SLC6A13: variants seen among roughly 807,000 people sequenced by gnomAD.
SLC6A13 encodes the protein sodium- and chloride-dependent GABA transporter 2.
Under a neutral mutation model 72.9 loss-of-function variants are expected in SLC6A13, and 69 were observed. That is an observed-to-expected ratio of 0.95 (90% confidence interval 0.78 to 1.16). The LOEUF is 1.16. SLC6A13 is among the 50% of genes most tolerant of loss of function. SLC6A13 has a pLI of 0.00. For missense variants in SLC6A13, 735 were observed against 760.5 expected (o/e 0.97, Z 0.39); for synonymous variants, 303 against 303.0 (o/e 1.00, Z 0.00).
chr12:234,956 G>T (rs924377142), intron 7 of SLC6A13, 134 bp downstream of exon 7: 2 of 940,648 alleles, frequency 2.1e-6, no homozygotes, highest in Non-Finnish European at 3.3e-6. Flanking sequence ...AGAGAAGGAA[G>T]GGTGCACCTC....
chr12:244,099 G>T (rs756574074), intron 2 of SLC6A13, among the ~76,000 whole-genome samples: 1 of 152,182 alleles, frequency 6.6e-6, no homozygotes, highest in African/African-American at 2.4e-5. Context: ...ATAACTTGTG[G>T]CAATAACAAG....
chr12:232,393 C>T (rs1247985060), intron 7 of SLC6A13, among the ~76,000 whole-genome samples: 1 of 152,210 alleles, frequency 6.6e-6, no homozygotes, highest in Non-Finnish European at 1.5e-5. Context: ...GCTTCAAAGC[C>T]TCCCCTCCAC....
In SLC6A13 at chr12:254,379, C is replaced by T. The variant is rs1438196003; in HGVS notation, c.202+5472G>A. On this transcript the variant is annotated intron_variant, in intron 2 of 14. Transcript: ENST00000343164. This position sits in a 1 kb window ranked among gnomAD's most constrained non-coding sequence, Gnocchi z 4.4. Reference sequence around the variant, plus strand: ...ATTTCCAATTCCTTTCTCCCATCTCCCCCATTATCTTAAATCCATTTCAAT... The same window carrying T: ...ATTTCCAATTCCTTTCTCCCATCTCTCCCATTATCTTAAATCCATTTCAAT... Among the ~76,000 whole-genome samples the T allele has an allele frequency of 6.6e-6, 1 of 152,178 alleles. No homozygotes were observed. Among genetic ancestry groups the T allele is most frequent in the Non-Finnish European group, 1.5e-5 (1 of 68,038 alleles).
intron 4 of SLC6A13, among the ~76,000 whole-genome samples, chr12:241,498 G>A (rs1942166155): frequency 6.6e-6 from 1 of 152,068 alleles, no homozygotes; most frequent in South Asian, 2.1e-4. Flanking sequence ...AGCCACCTGT[G>A]GCTGTTTAAG....
At chr12:225,012 C>G (rs955710974) in intron 9 of SLC6A13, among the ~76,000 whole-genome samples, 1 of 152,382 alleles carries the variant, frequency 6.6e-6, no homozygotes, top group African/African-American at 2.4e-5. Context: ...GAGTTGGCCT[C>G]CAGTTACCAC....
chr12:223,807 C>T (rs1332880836), intron 11 of SLC6A13, 185 bp downstream of exon 11: 2 of 631,604 alleles, frequency 3.2e-6, no homozygotes, highest in Non-Finnish European at 5.4e-6. Flanking sequence ...GTGGTCCATG[C>T]CCAAAGGCCA....
At chr12:247,138 G>A (rs1362896775) in intron 2 of SLC6A13, among the ~76,000 whole-genome samples, 4 of 151,382 alleles carry the variant, frequency 2.6e-5, no homozygotes, top group Non-Finnish European at 5.9e-5. Context: ...GTGAAAGAAA[G>A]AAAAGGGTGA....
At chr12:241,323 G>C (rs115115437) in intron 4 of SLC6A13, among the ~76,000 whole-genome samples, 2,296 of 152,118 alleles carry the variant, frequency 0.015, 57 homozygotes, top group African/African-American at 0.052. Context: ...AAATAAAAAA[G>C]ATAAAAAAGA....
rs1323553868 is a variant in SLC6A13, at chr12:237,225, A to G, written c.629T>C (p.Leu210Pro). ...HLGALRWELA[L>P]CLLLAWVICY... ...GATGACCCAGGCCAGCAGGAGGCAC[A>G]GAGCCAGCTCCCAGCGCAGGGCCCC... Residue 210 changes from leucine to proline, a missense_variant, in exon 6 of 15, where the codon CTG becomes CCG. Physicochemically the swap from Leu to Pro is moderately conservative, Grantham distance 98. Transcript: ENST00000343164. The G allele has an allele frequency of 1.2e-6, 2 of 1,614,078 alleles. No individual in the cohort carries two copies. Among genetic ancestry groups the G allele is most frequent in the Non-Finnish European group, 1.7e-6 (2 of 1,179,960 alleles).
chr12:260,788 T>C (rs1177192278), intron 1 of SLC6A13, among the ~76,000 whole-genome samples: 1 of 152,234 alleles, frequency 6.6e-6, no homozygotes, highest in Non-Finnish European at 1.5e-5. Context: ...TTTATAGGCA[T>C]TGAAGGAGTA....
intron 2 of SLC6A13, among the ~76,000 whole-genome samples, chr12:250,845 A>AAAAAC (rs2137310316): frequency 1.3e-5 from 2 of 150,822 alleles, no homozygotes; most frequent in South Asian, 4.2e-4. Context: ...AAAAAAAAAA[A>AAAAAC]AAAAAAACCT....
rs1941873284 is a variant in SLC6A13, at chr12:235,071, C to T, written c.831+19G>A. ...TTGCCCTGGGAGTCACGTGAGGGCT[C>T]CTGTCTGTGGCTTCTTACCTGGGGA... On this transcript the variant is annotated intron_variant, in intron 7 of 14. Transcript: ENST00000343164. 1 of 1,613,994 alleles carries T rather than the reference C, an allele frequency of 6.2e-7. No individual in the cohort carries two copies.
chr12:258,854 C>A (rs1014433002), intron 2 of SLC6A13: 2 of 922,064 alleles, frequency 2.2e-6, no homozygotes, highest in Non-Finnish European at 2.6e-6. Context: ...ATTTGTGCTG[C>A]GAAATTTTTA....
chr12:237,289 G>A lies in SLC6A13; in HGVS notation c.565C>T (p.Arg189Trp), dbSNP rs144675285. 59 of 1,614,082 alleles carry A rather than the reference G, an allele frequency of 3.7e-5. No homozygotes were observed. The highest frequency in any genetic ancestry group is 2.2e-4 in the South Asian group (20 of 91,082). The change falls in exon 6 of 15, where the codon CGG becomes TGG. Residue 189 changes from arginine to tryptophan, a missense_variant and splice_region_variant. Physicochemically the swap from Arg to Trp is moderately radical, Grantham distance 101. Transcript: ENST00000343164. ...CCATCAGAGATCTTCAAGACCCGCCGCCTGGGGAGAGAAGGGTTGAACCTG... is the reference window on the plus strand; with the variant it reads ...CCATCAGAGATCTTCAAGACCCGCCACCTGGGGAGAGAAGGGTTGAACCTG... The part of the protein sequence containing the change: ...ATSPVIEFWE[R>W]RVLKISDGIQ...
chr12:255,911 T>C (rs574294656), intron 2 of SLC6A13, among the ~76,000 whole-genome samples: 1 of 152,152 alleles, frequency 6.6e-6, no homozygotes, highest in South Asian at 2.1e-4. Flanking sequence ...AGCCAGACTC[T>C]TGCTTCGTTT....
chr12:261,880 C>T (rs55848636), intron 1 of SLC6A13, among the ~76,000 whole-genome samples: 3,065 of 151,444 alleles, frequency 0.02, 86 homozygotes, highest in African/African-American at 0.07. Context: ...GAGCCGAGAT[C>T]GCGCCACTGC....
chr12:245,722 C>T (rs1440708350), intron 2 of SLC6A13, among the ~76,000 whole-genome samples: 4 of 151,820 alleles, frequency 2.6e-5, no homozygotes, highest in Admixed American at 6.6e-5. Context: ...TGGTGGATTA[C>T]GCCTGTAATC....
rs1356273077 is a variant in SLC6A13, at chr12:224,012, C to T, written c.1291G>A (p.Gly431Arg). 5 of 1,613,392 alleles carry T rather than the reference C, an allele frequency of 3.1e-6. No individual in the cohort carries two copies. In the African/African-American group the frequency reaches 5.3e-5, roughly 17 times the overall value. The change falls in exon 11 of 15, where the codon GGG becomes AGG. Residue 431 changes from glycine (G) to arginine (R), a missense_variant. By Grantham distance (125) the Gly-to-Arg change is moderately radical. Transcript: ENST00000343164. ...LGVSVVSFLV[G>R]LIMLTEGGMY... Reference sequence around the variant, plus strand: ...CTCACCTCTGTGAGCATGATCAGCCCCACAAGGAAGGAGACGACAGATACT... The same window carrying T: ...CTCACCTCTGTGAGCATGATCAGCCTCACAAGGAAGGAGACGACAGATACT...
In SLC6A13 at chr12:224,499, A is replaced by T; in HGVS notation, c.1075T>A (p.Phe359Ile). 6.2e-7 allele frequency: 1 copy of T among 1,614,044 alleles called. No homozygotes were observed. Among genetic ancestry groups the T allele is most frequent in the Non-Finnish European group, 8.5e-7 (1 of 1,179,982 alleles). Residue 359 changes from phenylalanine (F) to isoleucine (I), a missense_variant, in exon 10 of 15, where the codon TTC (phenylalanine) becomes ATC (isoleucine). By Grantham distance (21) the Phe-to-Ile change is conservative. Transcript: ENST00000343164. ...EVAESGPGLA[F>I]IAYPRAVVML... is the part of the protein sequence containing the mutation. ...ACCACAGCCCGCGGGTAAGCGATGAAAGCCAGGCCAGGGCCTACGACAAGG... is the reference window on the plus strand; with the variant it reads ...ACCACAGCCCGCGGGTAAGCGATGATAGCCAGGCCAGGGCCTACGACAAGG...
Sources: allele counts gnomAD v4.1 joint callset (sites outside exome capture counted in the v4.1 genomes callset), GRCh38; gene constraint gnomAD v4.1.1; non-coding constraint Gnocchi (gnomAD v3.1); transcripts MANE v1.5; gene names NCBI Gene and HGNC (gene_info 2026-07-23, HGNC 2026-07-21).